The following LRRC49 variants were observed in gnomAD, a reference collection of about 807,000 sequenced individuals.
LRRC49 encodes leucine rich repeat containing 49.
LRRC49 carries 50 observed loss-of-function variants against 83.3 expected under a neutral mutation model. The observed-to-expected ratio is 0.60, with a 90% CI of 0.48 to 0.76. The LOEUF is 0.76. Ranked by LOEUF, LRRC49 falls within the 30% of genes least tolerant of loss-of-function variation. The pLI, the probability that LRRC49 is intolerant of heterozygous loss-of-function variation, is 0.00. For synonymous variants in LRRC49, 286 were observed against 283.3 expected, an observed-to-expected ratio of 1.01 and a Z score of -0.10; for missense variants, 704 against 809.1, an observed-to-expected ratio of 0.87 and a Z score of 1.58.
chr15:71,050,080 G>A lies in LRRC49; in HGVS notation c.*468G>A, dbSNP rs888986747. 7 of 154,246 alleles carry A rather than the reference G, an allele frequency of 4.5e-5. No individual in the cohort carries two copies. Among genetic ancestry groups the A allele is most frequent in the African/African-American group, 1.7e-4 (7 of 41,446 alleles). The allele number at this position is 154,246 out of a possible 1,614,324, so 9.6% of individuals were successfully genotyped here. A position where few individuals can be genotyped will look rare whatever the true frequency, so the allele number is the denominator to read the frequency against. ...TTACTAACAAATTAGTCAAAATAAA[G>A]TATGTTTGCCTCCTTAATTCAGTCA... On this transcript the variant is annotated 3_prime_UTR_variant, in exon 16 of 16. Transcript: ENST00000260382.
At chr15:70,893,304 T>C in intron 1 of LRRC49, 1 of 554,750 alleles carries the variant, frequency 1.8e-6, no homozygotes, top group African/African-American at 1.9e-5. Context: ...CATTGAGATG[T>C]TTATTTAGAC....
chr15:70,972,993 C>T (rs973142331), intron 9 of LRRC49, among the ~76,000 whole-genome samples: 34 of 152,026 alleles, frequency 2.2e-4, no homozygotes, highest in Non-Finnish European at 4.4e-4. Flanking sequence ...TCTGTCAATT[C>T]GTCAAACTCA....
Position 70,919,136 on chromosome 15 carries a change from T to C in LRRC49, c.654T>C (p.Leu218=). Residue 218 remains leucine, a synonymous_variant, in exon 7 of 16, where the codon CTT becomes CTC. Transcript: ENST00000260382. ...ARNFLSHVDN[L]NGLDSLTELN... is the part of the protein sequence containing the mutation. Reference sequence around the variant, plus strand: ...ACTTTTTAAGTCATGTTGATAATCTTAATGGGCTGGATTCACTAACTGAAC... The same window carrying C: ...ACTTTTTAAGTCATGTTGATAATCTCAATGGGCTGGATTCACTAACTGAAC... 3 of 1,613,072 alleles carry C rather than the reference T, an allele frequency of 1.9e-6. No homozygotes were observed. Among genetic ancestry groups the C allele is most frequent in the Non-Finnish European group, 2.5e-6 (3 of 1,179,318 alleles).
Position 70,936,784 on chromosome 15 carries a change from C to T in LRRC49, c.735C>T (p.Cys245=), listed in dbSNP as rs770914721. The T allele has an allele frequency of 3.1e-6, 5 of 1,610,948 alleles. No individual in the cohort carries two copies. In the East Asian group the frequency reaches 8.9e-5, roughly 29 times the overall value. Residue 245 remains cysteine (C), a synonymous_variant, in exon 8 of 16, where the codon TGC becomes TGT. Coordinates refer to ENST00000260382, the MANE Select transcript of LRRC49 (RefSeq NM_017691.5). ...TFVRDVDNLP[C]LQHLFLSFNN... ...AGAGAGATGTGGATAATTTGCCCTG[C>T]CTCCAACATCTCTTTCTCAGCTTTA...
chr15:70,988,448 AG>A (rs1329740900), intron 11 of LRRC49, among the ~76,000 whole-genome samples: 1 of 151,690 alleles, frequency 6.6e-6, no homozygotes, highest in Non-Finnish European at 1.5e-5. Flanking sequence ...ATCAGAGACT[AG>A]GATTGCAACC....
chr15:71,033,224 G>A (rs535140664), intron 14 of LRRC49, among the ~76,000 whole-genome samples: 5 of 152,138 alleles, frequency 3.3e-5, no homozygotes, highest in East Asian at 3.9e-4. Flanking sequence ...AATATTAGAC[G>A]AGCAGAGACC....
At chr15:70,921,541 G>A (rs2035005868) in intron 7 of LRRC49, among the ~76,000 whole-genome samples, 1 of 152,198 alleles carries the variant, frequency 6.6e-6, no homozygotes, top group South Asian at 2.1e-4. Context: ...ATTCAGCACA[G>A]TTCACCGTAG....
chr15:71,047,721 G>C (rs2039893365), intron 15 of LRRC49, among the ~76,000 whole-genome samples: 1 of 152,080 alleles, frequency 6.6e-6, no homozygotes, highest in Non-Finnish European at 1.5e-5. Context: ...AATCTTCGTA[G>C]GTATAATTTT....
chr15:70,880,144 C>A (rs948829622), intron 2 of LRRC49, among the ~76,000 whole-genome samples: 1 of 152,142 alleles, frequency 6.6e-6, no homozygotes, highest in Non-Finnish European at 1.5e-5. Context: ...CAGATCATTG[C>A]GTGGTCACTC....
chr15:71,023,181 TA>T, intron 14 of LRRC49, among the ~76,000 whole-genome samples: 1 of 152,036 alleles, frequency 6.6e-6, no homozygotes, highest in South Asian at 2.1e-4. Context: ...TTGCAATGGG[TA>T]TAGTGGGAAA....
chr15:71,033,097 C>T (rs2039408960), intron 14 of LRRC49, among the ~76,000 whole-genome samples: 1 of 152,062 alleles, frequency 6.6e-6, no homozygotes, highest in Admixed American at 6.5e-5. Flanking sequence ...TGACATGGTC[C>T]TATATCTAGA....
At chr15:70,958,740 A>T (rs1198165792) in intron 8 of LRRC49, among the ~76,000 whole-genome samples, 1 of 152,230 alleles carries the variant, frequency 6.6e-6, no homozygotes, top group African/African-American at 2.4e-5. Context: ...TCCAATATTT[A>T]TCTAAACATG....
chr15:71,037,315 T>A lies in LRRC49; in HGVS notation c.1840T>A (p.Tyr614Asn), dbSNP rs544274358. 6.3e-7 allele frequency: 1 copy of A among 1,598,626 alleles called. No individual in the cohort carries two copies. The highest frequency in any genetic ancestry group is 2.2e-5 in the East Asian group (1 of 44,560). ...ATTAAATTATACTACAAGAGACTTT[T>A]ATAATGAAAAGCTAGAGGTAAAACT... ...ATLNYTTRDF[Y>N]NEKLEEIKEK... The change falls in exon 15 of 16, where the codon TAT (tyrosine) becomes AAT (asparagine). Residue 614 changes from tyrosine (Y) to asparagine (N), a missense_variant. By Grantham distance (143) the Tyr-to-Asn change is moderately radical (BLOSUM62 -2). Around this residue, in one of 3 missense-constraint regions of LRRC49, gnomAD observed 275 missense variants for 338.0 expected, o/e 0.81. Coordinates refer to ENST00000260382, the MANE Select transcript of LRRC49 (RefSeq NM_017691.5).
intron 4 of LRRC49, among the ~76,000 whole-genome samples, chr15:70,901,251 A>G (rs2034065487): frequency 6.6e-6 from 1 of 152,208 alleles, no homozygotes; most frequent in Admixed American, 6.5e-5. Context: ...TCACAAGAGT[A>G]CTACAGCAAT....
chr15:70,925,770 G>T (rs1346905067), intron 7 of LRRC49, among the ~76,000 whole-genome samples: 1 of 152,116 alleles, frequency 6.6e-6, no homozygotes, highest in Non-Finnish European at 1.5e-5. Flanking sequence ...GTTGAAAAGT[G>T]ATTGAGAAGT....
chr15:70,978,530 A>T (rs1225857093), intron 9 of LRRC49, among the ~76,000 whole-genome samples: 1 of 152,200 alleles, frequency 6.6e-6, no homozygotes, highest in African/African-American at 2.4e-5. Context: ...AAGACACAAG[A>T]ATATTTGGTG....
chr15:71,049,523 A>T lies in LRRC49; in HGVS notation c.1972A>T (p.Ile658Phe). The T allele has an allele frequency of 6.2e-7, 1 of 1,614,002 alleles. No individual in the cohort carries two copies. Among genetic ancestry groups the T allele is most frequent in the Non-Finnish European group, 8.5e-7 (1 of 1,179,850 alleles). Reference sequence around the variant, plus strand: ...GCAGAAGCTTTGGCCACAGATGTTCATTGAGCTTGTTAGGGATGCAGTCAT... The same window carrying T: ...GCAGAAGCTTTGGCCACAGATGTTCTTTGAGCTTGTTAGGGATGCAGTCAT... ...ALQKLWPQMF[I>F]ELVRDAVIEI... The change falls in exon 16 of 16, where the codon ATT becomes TTT. Residue 658 changes from isoleucine to phenylalanine, a missense_variant. Transcript: ENST00000260382.
chr15:70,878,566 A>C (rs985301084), intron 2 of LRRC49, among the ~76,000 whole-genome samples: 3 of 152,246 alleles, frequency 2.0e-5, no homozygotes, highest in African/African-American at 7.2e-5. Context: ...AGGGAACATT[A>C]ACTATGGATT....
At chr15:70,978,111 C>T (rs2037271109) in intron 9 of LRRC49, among the ~76,000 whole-genome samples, 1 of 152,156 alleles carries the variant, frequency 6.6e-6, no homozygotes, top group African/African-American at 2.4e-5. Context: ...AACACATTTT[C>T]ATAGTCTCTT....
Sources: gnomAD v4.1 joint callset for allele counts (sites outside exome capture counted in the v4.1 genomes callset) on GRCh38, gnomAD v4.1.1 for gene constraint, gnomAD v4.1.1 regional missense constraint, MANE v1.5 for transcripts, NCBI Gene and HGNC (gene_info 2026-07-23, HGNC 2026-07-21) for gene names.